ASIC3: variants seen among roughly 807,000 people sequenced by gnomAD.
ASIC3 encodes acid sensing ion channel subunit 3.
In ASIC3, 46 loss-of-function variants were observed where a neutral mutation model predicts 58.6. The ratio of observed to expected loss-of-function variants is 0.79; its 90% CI spans 0.62 to 1.00. ASIC3 has a LOEUF of 1.00. ASIC3 is among the 50% of genes least tolerant of loss of function. The pLI is 0.00. For missense variants in ASIC3, 770 were observed against 735.0 expected (o/e 1.05, Z -0.55); for synonymous variants, 336 against 300.2 (o/e 1.12, Z -1.23).
Position 151,051,240 on chromosome 7 carries a change from C to G in ASIC3, c.1135C>G (p.Leu379Val). 6.4e-7 allele frequency: 1 copy of G among 1,566,778 alleles called. No homozygotes were observed. The highest frequency in any genetic ancestry group is 8.6e-7 in the Non-Finnish European group (1 of 1,164,002). The change falls in exon 6 of 11, where the codon CTC (leucine) becomes GTC (valine). Residue 379 changes from leucine (L) to valine (V), a missense_variant. Leu to Val is a conservative substitution (Grantham distance 32). Transcript: ENST00000349064. Reference protein sequence around the residue: ...PCASTRYAKELSMVRIPSRAA... With the variant: ...PCASTRYAKEVSMVRIPSRAA... ...CGCCAGCACGCGCTACGCCAAGGAG[C>G]TCTCCATGGTGCGGATCCCGAGCCG...
At position 151,051,814 on chromosome 7, in the gene ASIC3, A is replaced by G. The variant is rs1157127185; in HGVS notation, c.1219A>G (p.Asn407Asp). 3.7e-6 allele frequency: 6 copies of G among 1,612,948 alleles called. No homozygotes were observed. Among genetic ancestry groups the G allele is most frequent in the Non-Finnish European group, 5.1e-6 (6 of 1,179,926 alleles). Residue 407 changes from asparagine to aspartate, a missense_variant, in exon 7 of 11, where the codon AAC (asparagine) becomes GAC (aspartate). Physicochemically the swap from Asn to Asp is conservative, Grantham distance 23. Transcript: ENST00000349064. Reference protein sequence around the residue: ...LNRSEAYIAENVLALDIFFEA... With the variant: ...LNRSEAYIAEDVLALDIFFEA... ...TGAGGCCATTCTTGTCCTCAGGGAGAACGTGCTGGCCCTGGACATCTTCTT... is the reference window on the plus strand; with the variant it reads ...TGAGGCCATTCTTGTCCTCAGGGAGGACGTGCTGGCCCTGGACATCTTCTT...
intron 2 of ASIC3, 71 bp downstream of exon 2, chr7:151,050,327 G>T (rs1584967393): frequency 6.4e-7 from 1 of 1,572,992 alleles, no homozygotes; most frequent in African/African-American, 1.3e-5. Flanking sequence ...AGGAGAGGAG[G>T]AGAGGAGGTG....
intron 6 of ASIC3, 69 bp from the exon 7 acceptor site, chr7:151,051,741 A>C (rs1305096299): frequency 6.6e-7 from 1 of 1,510,556 alleles, no homozygotes; most frequent in African/African-American, 1.4e-5. Context: ...GAGAACCCAC[A>C]GCTGCTTCTT....
chr7:151,050,016 G>C (rs1796729319), intron 1 of ASIC3, 90 bp from the exon 2 acceptor site: 3 of 1,555,496 alleles, frequency 1.9e-6, no homozygotes, highest in Non-Finnish European at 2.6e-6. Flanking sequence ...ATTCAAAGAA[G>C]AGACGCAAAC....
Position 151,048,910 on chromosome 7 carries a change from G to A in ASIC3, c.25G>A (p.Glu9Lys), listed in dbSNP as rs200391606. ...CATGAAGCCCACCTCAGGCCCAGAG[G>A]AGGCCCGGCGGCCAGCCTCGGACAT... MKPTSGPE[E>K]ARRPASDIRV... The change falls in exon 1 of 11, where the codon GAG becomes AAG. Residue 9 changes from glutamate to lysine, a missense_variant. Physicochemically the swap from Glu to Lys is moderately conservative, Grantham distance 56. Transcript: ENST00000349064. 2.6e-5 allele frequency: 40 copies of A among 1,559,198 alleles called. No individual in the cohort carries two copies. Among genetic ancestry groups the A allele is most frequent in the Non-Finnish European group, 3.5e-5 (40 of 1,148,700 alleles).
Position 151,052,741 on chromosome 7 carries a change from G to A in ASIC3, c.*89G>A. ...CTTTTCCGTCTTCACCCCAAATAAA[G>A]TCCTAATGCATCAGCCTCAGCTGTT... On this transcript the variant is annotated 3_prime_UTR_variant, in exon 11 of 11. Coordinates refer to ENST00000349064, the MANE Select transcript of ASIC3 (RefSeq NM_004769.4). This position sits in a 1 kb window ranked among gnomAD's most constrained non-coding sequence, Gnocchi z 5.0. 6.2e-7 allele frequency: 1 copy of A among 1,613,600 alleles called. No homozygotes were observed. Among genetic ancestry groups the A allele is most frequent in the Non-Finnish European group, 8.5e-7 (1 of 1,179,640 alleles).
intron 6 of ASIC3, 52 bp from the exon 7 acceptor site, chr7:151,051,758 A>G: frequency 6.4e-7 from 1 of 1,566,992 alleles, no homozygotes; most frequent in Non-Finnish European, 8.7e-7. Flanking sequence ...TCTTGCCAGC[A>G]GTGGGCACCA....
At position 151,051,286 on chromosome 7, in the gene ASIC3, C is replaced by G; in HGVS notation, c.1181C>G (p.Ala394Gly). 1.3e-6 allele frequency: 2 copies of G among 1,524,568 alleles called. No homozygotes were observed. The highest frequency in any genetic ancestry group is 1.4e-5 in the African/African-American group (1 of 70,870). The allele number at this position is 1,524,568 out of a possible 1,614,324, so 94.4% of individuals were successfully genotyped here. A position where few individuals can be genotyped will look rare whatever the true frequency, so the allele number is the denominator to read the frequency against. ...AGCCGCGCCGCCGCGCGCTTCCTGG[C>G]CCGGAAGCTCAACCGCAGCGAGGCC... Reference protein sequence around the residue: ...IPSRAAARFLARKLNRSEAYI... With the variant: ...IPSRAAARFLGRKLNRSEAYI... Residue 394 changes from alanine to glycine, a missense_variant, in exon 6 of 11, where the codon GCC (alanine) becomes GGC (glycine). Coordinates refer to ENST00000349064, the MANE Select transcript of ASIC3 (RefSeq NM_004769.4).
In ASIC3 at chr7:151,048,652, G is replaced by C; in HGVS notation, c.-234G>C. The C allele has an allele frequency of 1.8e-6, 1 of 542,464 alleles. No individual in the cohort carries two copies. 33.6% of individuals were successfully genotyped at this position (542,464 alleles called of 1,614,324 possible). ...TCCCCAGCCCAGTGCCTAGCCCAGT[G>C]GAGCCACCGCCTGTTCCTCGGGAAG... On this transcript the variant is annotated 5_prime_UTR_variant, in exon 1 of 11. Coordinates refer to ENST00000349064, the MANE Select transcript of ASIC3 (RefSeq NM_004769.4).
At position 151,048,788 on chromosome 7, in the gene ASIC3, G is replaced by A. The variant is rs1796687998; in HGVS notation, c.-98G>A. 1.4e-6 allele frequency: 2 copies of A among 1,418,770 alleles called. No homozygotes were observed. Among genetic ancestry groups the A allele is most frequent in the Non-Finnish European group, 1.9e-6 (2 of 1,050,206 alleles). 87.9% of individuals were successfully genotyped at this position (1,418,770 alleles called of 1,614,324 possible). A position where few individuals can be genotyped will look rare whatever the true frequency, so the allele number is the denominator to read the frequency against. On this transcript the variant is annotated 5_prime_UTR_variant, in exon 1 of 11. Coordinates refer to ENST00000349064, the MANE Select transcript of ASIC3 (RefSeq NM_004769.4). ...ACCCTCTCTTCTCCTCTCCTTGCCT[G>A]GCCTCCTGAATCCTATCTTAGCCTC...
Position 151,051,159 on chromosome 7 carries a change from C to T in ASIC3, c.1067-13C>T, listed in dbSNP as rs371018510. ...CCGCCCGCGGGCGTCTGACGCGGCC[C>T]GGTGGCCCGCAGATGCCATGCTTCG... On this transcript the variant is annotated splice_polypyrimidine_tract_variant and intron_variant, in intron 5 of 10. Transcript: ENST00000349064. The T allele has an allele frequency of 1.9e-5, 31 of 1,595,424 alleles. No individual in the cohort carries two copies. The African/African-American group carries it at 3.0e-4, about 15-fold the overall frequency.
intron 1 of ASIC3, 66 bp downstream of exon 1, chr7:151,049,485 C>T (rs1796715216): frequency 1.3e-6 from 2 of 1,505,634 alleles, no homozygotes; most frequent in African/African-American, 1.4e-5. Context: ...GCCCAGCACC[C>T]ACAATTCCCT....
In ASIC3 at chr7:151,049,077, G is replaced by A; in HGVS notation, c.192G>A (p.Val64=). ...ATFLYQVAER[V]RYYREFHHQT... The stretch of plus-strand genomic sequence containing the variant: ...TCCTCTACCAGGTGGCTGAGAGGGT[G>A]CGCTACTACAGGGAGTTCCACCACC... Residue 64 remains valine (V), a synonymous_variant, in exon 1 of 11, where the codon GTG becomes GTA. Transcript: ENST00000349064. 1 of 1,613,816 alleles carries A rather than the reference G, an allele frequency of 6.2e-7. No homozygotes were observed. The highest frequency in any genetic ancestry group is 8.5e-7 in the Non-Finnish European group (1 of 1,179,860).
chr7:151,050,947 A>C lies in ASIC3; in HGVS notation c.1003A>C (p.Met335Leu). ...ARKCGCRMVYMPGDVPVCSPQ... is the reference protein window; with the variant it reads ...ARKCGCRMVYLPGDVPVCSPQ... Reference sequence around the variant, plus strand: ...GAAGTGCGGCTGCCGAATGGTGTACATGCCAGGTGAGGGGCTGGGGTTTTC... The same window carrying C: ...GAAGTGCGGCTGCCGAATGGTGTACCTGCCAGGTGAGGGGCTGGGGTTTTC... The change falls in exon 4 of 11, where the codon ATG (methionine) becomes CTG (leucine). Residue 335 changes from methionine (M) to leucine (L), a missense_variant. Met to Leu is a conservative substitution (Grantham distance 15). Transcript: ENST00000349064. The C allele has an allele frequency of 6.2e-7, 1 of 1,613,430 alleles. No homozygotes were observed. The highest frequency in any genetic ancestry group is 8.5e-7 in the Non-Finnish European group (1 of 1,180,006).
chr7:151,051,492 G>A (rs1308760233), intron 6 of ASIC3, among the ~76,000 whole-genome samples, 173 bp downstream of exon 6: 1 of 151,670 alleles, frequency 6.6e-6, no homozygotes, highest in South Asian at 2.1e-4. Context: ...CCCGGGGGAT[G>A]CTGACGCCTC....
chr7:151,051,574 G>T (rs572220303), intron 6 of ASIC3, among the ~76,000 whole-genome samples: 7 of 151,430 alleles, frequency 4.6e-5, no homozygotes, highest in Admixed American at 4.6e-4. Context: ...AGAGACGGCG[G>T]GGGGCGGGGG....
In ASIC3 at chr7:151,049,429, C is replaced by T. The variant is rs375363889; in HGVS notation, c.534+10C>T. The T allele has an allele frequency of 6.4e-7, 1 of 1,564,698 alleles. No individual in the cohort carries two copies. The highest frequency in any genetic ancestry group is 8.7e-7 in the Non-Finnish European group (1 of 1,155,592). On this transcript the variant is annotated intron_variant, in intron 1 of 10. Coordinates refer to ENST00000349064, the MANE Select transcript of ASIC3 (RefSeq NM_004769.4). ...TGAGAACTTCACCACGGTGAGCTGACCTCCCTACCTATCCTGCCAGGGACC... is the reference window on the plus strand; with the variant it reads ...TGAGAACTTCACCACGGTGAGCTGATCTCCCTACCTATCCTGCCAGGGACC...
chr7:151,051,308 G>A lies in ASIC3; in HGVS notation c.1203G>A (p.Glu401=). Residue 401 remains glutamate (E), a synonymous_variant, in exon 6 of 11, where the codon GAG becomes GAA. Coordinates refer to ENST00000349064, the MANE Select transcript of ASIC3 (RefSeq NM_004769.4). ...RFLARKLNRS[E]AYIAENVLAL... ...TGGCCCGGAAGCTCAACCGCAGCGA[G>A]GCCTACATCGCGTGAGCTGCGCGGG... is the stretch of plus-strand genomic sequence containing the variant. 1 of 1,510,818 alleles carries A rather than the reference G, an allele frequency of 6.6e-7. No homozygotes were observed. The highest frequency in any genetic ancestry group is 8.8e-7 in the Non-Finnish European group (1 of 1,139,084). The allele number at this position is 1,510,818 out of a possible 1,614,324, so 93.6% of individuals were successfully genotyped here.
In ASIC3 at chr7:151,050,878, C is replaced by G. The variant is rs1030266495; in HGVS notation, c.934C>G (p.Leu312Val). The G allele has an allele frequency of 2.3e-5, 37 of 1,613,430 alleles. No homozygotes were observed. The highest frequency in any genetic ancestry group is 3.0e-5 in the Non-Finnish European group (35 of 1,180,002). The change falls in exon 4 of 11, where the codon CTT becomes GTT. Residue 312 changes from leucine (L) to valine (V), a missense_variant. By Grantham distance (32) the Leu-to-Val change is conservative (BLOSUM62 1). Coordinates refer to ENST00000349064, the MANE Select transcript of ASIC3 (RefSeq NM_004769.4). The part of the protein sequence containing the change: ...PSPSPSPPYT[L>V]MGCRLACETR... ...CCCCAGCCCCAGCCCTCCCTATACC[C>G]TTATGGGGTGTCGCCTGGCCTGCGA... is the stretch of plus-strand genomic sequence containing the variant.
Sources: gnomAD v4.1 joint callset for allele counts (sites outside exome capture counted in the v4.1 genomes callset) on GRCh38, gnomAD v4.1.1 for gene constraint, Gnocchi (gnomAD v3.1) non-coding constraint, MANE v1.5 for transcripts, NCBI Gene and HGNC (gene_info 2026-07-23, HGNC 2026-07-21) for gene names.